The following BBX variants were observed in gnomAD, a reference collection of about 807,000 sequenced individuals.
BBX encodes BBX high mobility group box domain containing.
Under a neutral mutation model 100.2 loss-of-function variants are expected in BBX, and 30 were observed. That is an observed-to-expected ratio of 0.30 (90% confidence interval 0.22 to 0.41). The LOEUF is 0.41. Ranked by LOEUF, BBX falls within the 10% of genes least tolerant of loss-of-function variation. The pLI is 1.00. For synonymous variants in BBX, 376 were observed against 388.1 expected (o/e 0.97, Z 0.37); for missense variants, 1,023 against 1,129.8 (o/e 0.91, Z 1.35).
chr3:107,671,803 A>G lies in BBX; in HGVS notation c.-10+25894A>G, dbSNP rs1449872229. ...AGAGTGTTGATGAGTCTCTGACATA[A>G]CTAAATATTCATAATGGAATAGCAT... On this transcript the variant is annotated intron_variant, in intron 3 of 17. Transcript: ENST00000325805. 5.3e-5 allele frequency among the ~76,000 whole-genome samples: 8 copies of G among 152,180 alleles called. No individual in the cohort carries two copies. The South Asian group carries it at 1.0e-3, about 20-fold the overall frequency.
At chr3:107,745,522 C>T (rs1424976876) in intron 8 of BBX, among the ~76,000 whole-genome samples, 1 of 152,052 alleles carries the variant, frequency 6.6e-6, no homozygotes, top group African/African-American at 2.4e-5. Context: ...AGTGCAGCAG[C>T]ATGATCATAG....
intron 2 of BBX, among the ~76,000 whole-genome samples, chr3:107,592,379 A>AAG (rs1422683803): frequency 6.0e-5 from 9 of 151,098 alleles, no homozygotes; most frequent in South Asian, 2.1e-4. Context: ...AAAAAAAAAA[A>AAG]AAAAGGTGTA....
At chr3:107,786,796 A>C (rs189848299) in intron 13 of BBX, among the ~76,000 whole-genome samples, 273 of 152,320 alleles carry the variant, frequency 1.8e-3, no homozygotes, top group African/African-American at 6.4e-3. Flanking sequence ...AAATTGGACC[A>C]TATCAAAATT....
chr3:107,674,473 G>A (rs1477763453), intron 3 of BBX, among the ~76,000 whole-genome samples: 1 of 152,160 alleles, frequency 6.6e-6, no homozygotes, highest in Non-Finnish European at 1.5e-5. Flanking sequence ...CGCTAGTAAT[G>A]ACTTTGGGAC....
At chr3:107,669,449 G>A (rs1229799133) in intron 3 of BBX, among the ~76,000 whole-genome samples, 1 of 152,070 alleles carries the variant, frequency 6.6e-6, no homozygotes, top group African/African-American at 2.4e-5. Context: ...TTGAATATGT[G>A]GGTGGGGAGT....
chr3:107,538,101 CT>C (rs2048620261), intron 2 of BBX, among the ~76,000 whole-genome samples: 1 of 152,138 alleles, frequency 6.6e-6, no homozygotes, highest in African/African-American at 2.4e-5. Context: ...ATAAGAACTT[CT>C]TTTTAGGTTT....
chr3:107,583,944 ATATT>A (rs1246166160), intron 2 of BBX, among the ~76,000 whole-genome samples: 1 of 76,790 alleles, frequency 1.3e-5, no homozygotes, highest in Admixed American at 2.2e-4. Context: ...TATATTATAT[ATATT>A]ATTATATTAT....
At chr3:107,708,282 AT>A (rs2061502204) in intron 3 of BBX, among the ~76,000 whole-genome samples, 1 of 152,232 alleles carries the variant, frequency 6.6e-6, no homozygotes, top group Admixed American at 6.5e-5. Flanking sequence ...AAGTCATGTA[AT>A]TGCTTCAGAT....
chr3:107,754,608 T>C (rs187306261), intron 9 of BBX, among the ~76,000 whole-genome samples: 1 of 152,284 alleles, frequency 6.6e-6, no homozygotes, highest in Admixed American at 6.5e-5. Context: ...ACCCAGTCCC[T>C]CCTGGAGCTA....
At chr3:107,570,181 A>T (rs888638683) in intron 2 of BBX, among the ~76,000 whole-genome samples, 10 of 152,104 alleles carry the variant, frequency 6.6e-5, no homozygotes, top group Non-Finnish European at 1.2e-4. Context: ...TGTGCTGGAG[A>T]TGTGGCTGAG....
intron 12 of BBX, chr3:107,776,470 T>G (rs1231865977): frequency 6.6e-6 from 1 of 152,190 alleles, no homozygotes; most frequent in Non-Finnish European, 1.5e-5. Flanking sequence ...TTTCCTCCTT[T>G]CTCCCTTTAA....
chr3:107,586,682 A>G (rs557625024), intron 2 of BBX, among the ~76,000 whole-genome samples: 1 of 152,142 alleles, frequency 6.6e-6, no homozygotes, highest in East Asian at 1.9e-4. Context: ...ACCAAGGCTA[A>G]GCAAGTTTGA....
intron 2 of BBX, among the ~76,000 whole-genome samples, chr3:107,539,191 T>G (rs1253887993): frequency 1.3e-5 from 2 of 152,188 alleles, no homozygotes; most frequent in Non-Finnish European, 2.9e-5. Flanking sequence ...TTATCTTTAT[T>G]TTTTGCAACA....
At chr3:107,747,516 C>T (rs548567598) in intron 8 of BBX, among the ~76,000 whole-genome samples, 98 of 152,218 alleles carry the variant, frequency 6.4e-4, no homozygotes, top group African/African-American at 2.3e-3. Context: ...GATACCCTGA[C>T]CCATATCCAT....
chr3:107,768,242 C>T (rs1214059142), intron 10 of BBX, among the ~76,000 whole-genome samples: 1 of 152,168 alleles, frequency 6.6e-6, no homozygotes, highest in Non-Finnish European at 1.5e-5. Flanking sequence ...AAGCCGACCT[C>T]ATTTTCTATT....
At chr3:107,691,602 G>T (rs1005532059) in intron 3 of BBX, among the ~76,000 whole-genome samples, 13 of 152,148 alleles carry the variant, frequency 8.5e-5, no homozygotes, top group African/African-American at 3.1e-4. Context: ...CTCAACACTA[G>T]TTATATAGAA....
intron 2 of BBX, among the ~76,000 whole-genome samples, chr3:107,641,612 T>G (rs1331741898): frequency 1.3e-5 from 2 of 152,218 alleles, no homozygotes; most frequent in African/African-American, 4.8e-5. Flanking sequence ...CCAAATTATC[T>G]AGGGAACTCT....
intron 8 of BBX, among the ~76,000 whole-genome samples, chr3:107,747,572 G>T (rs1393306851): frequency 6.6e-6 from 1 of 151,972 alleles, no homozygotes; most frequent in Non-Finnish European, 1.5e-5. Flanking sequence ...CTAGAGAACA[G>T]CTTGGAAGGA....
intron 3 of BBX, among the ~76,000 whole-genome samples, chr3:107,685,087 A>G (rs772746481): frequency 6.6e-6 from 1 of 152,216 alleles, no homozygotes; most frequent in Admixed American, 6.5e-5. Flanking sequence ...GGTCAACAGT[A>G]TAATCTATAG....
Sources: gnomAD v4.1 joint callset for allele counts (sites outside exome capture counted in the v4.1 genomes callset) on GRCh38, gnomAD v4.1.1 for gene constraint, MANE v1.5 for transcripts, NCBI Gene and HGNC (gene_info 2026-07-23, HGNC 2026-07-21) for gene names.